CLMN: variants seen among roughly 807,000 people sequenced by gnomAD.
CLMN encodes calmin (calponin-like, transmembrane).
A neutral mutation model predicts 92.7 loss-of-function variants in CLMN; 57 were observed. The ratio of observed to expected loss-of-function variants is 0.61; its 90% confidence interval spans 0.50 to 0.77. CLMN has a LOEUF of 0.77. Ranked by LOEUF, CLMN falls within the 30% of genes least tolerant of loss-of-function variation. The probability of loss-of-function intolerance (pLI) is 0.00; values close to 1 mark genes in which losing one functional copy is unlikely to be tolerated. For synonymous variants in CLMN, 466 were observed against 470.6 expected, an observed-to-expected ratio of 0.99 and a Z score of 0.13; for missense variants, 1,158 against 1,237.5, an observed-to-expected ratio of 0.94 and a Z score of 0.96.
intron 12 of CLMN, chr14:95,193,166 T>C: frequency 1.8e-6 from 1 of 570,774 alleles, no homozygotes; most frequent in Non-Finnish European, 3.1e-6. Context: ...AAAAACATAA[T>C]AAAGCAACTC....
Position 95,202,885 on chromosome 14 carries a change from G to T in CLMN, c.2464C>A (p.His822Asn). ...TTCTCTTTGGTCTCCCTTTGCTGGT[G>T]GTCCTCATGGGGGGCCAGTGGAGCG... ...EPAPLAPHED[H>N]QQRETKENDP... The change falls in exon 9 of 13, where the codon CAC (histidine) becomes AAC (asparagine). Residue 822 changes from histidine to asparagine, a missense_variant. By Grantham distance (68) the His-to-Asn change is moderately conservative (BLOSUM62 1). Coordinates refer to ENST00000298912, the MANE Select transcript of CLMN (RefSeq NM_024734.4). The T allele has an allele frequency of 3.8e-6, 6 of 1,566,604 alleles. No homozygotes were observed. Among genetic ancestry groups the T allele is most frequent in the Non-Finnish European group, 5.2e-6 (6 of 1,161,342 alleles).
At chr14:95,237,448 T>C (rs534321213) in intron 1 of CLMN, among the ~76,000 whole-genome samples, 4 of 152,336 alleles carry the variant, frequency 2.6e-5, no homozygotes, top group Admixed American at 6.5e-5. Context: ...GACAGCATGG[T>C]CACGTGGCAG....
At chr14:95,262,184 C>A (rs778035786) in intron 1 of CLMN, among the ~76,000 whole-genome samples, 7 of 152,240 alleles carry the variant, frequency 4.6e-5, no homozygotes, top group Non-Finnish European at 1.0e-4. Flanking sequence ...TAAAGCTATT[C>A]TCAGAGCTGG....
At chr14:95,257,102 C>T (rs763580328) in intron 1 of CLMN, among the ~76,000 whole-genome samples, 15 of 152,138 alleles carry the variant, frequency 9.9e-5, no homozygotes, top group Non-Finnish European at 1.6e-4. Context: ...TTTAATACGA[C>T]GAGGCCCATT....
At chr14:95,242,250 C>CTTTTTTTTTTTTTTTTTTTT (rs371417505) in intron 1 of CLMN, among the ~76,000 whole-genome samples, 3 of 92,584 alleles carry the variant, frequency 3.2e-5, no homozygotes, top group African/African-American at 6.9e-5. Flanking sequence ...TTTTCTTTTT[C>CTTTTTTTTTTTTTTTTTTTT]TTTTTTTTTT....
At chr14:95,270,372 A>G (rs548955048) in intron 1 of CLMN, among the ~76,000 whole-genome samples, 124 of 152,354 alleles carry the variant, frequency 8.1e-4, no homozygotes, top group African/African-American at 2.9e-3. Flanking sequence ...TTGTATAACC[A>G]TACCACAATC....
intron 12 of CLMN, chr14:95,193,323 A>G (rs1896606597): frequency 1.3e-6 from 2 of 1,531,976 alleles, no homozygotes; most frequent in Non-Finnish European, 1.7e-6. Flanking sequence ...AAATACTTTC[A>G]TAGACATCCT....
chr14:95,237,560 G>A (rs1429712935), intron 1 of CLMN, among the ~76,000 whole-genome samples: 1 of 152,226 alleles, frequency 6.6e-6, no homozygotes, highest in East Asian at 1.9e-4. Context: ...AGGGAGGGTG[G>A]CAGGAGGCCT....
chr14:95,203,049 A>C lies in CLMN; in HGVS notation c.2300T>G (p.Leu767Arg). The change falls in exon 9 of 13, where the codon CTG (leucine) becomes CGG (arginine). Residue 767 changes from leucine to arginine, a missense_variant. Transcript: ENST00000298912. ...ATCGGCCTCCTCCTCCCTGGAGTCC[A>C]GGTCTGGCATATAGCCCTCTGGCTC... ...LEEPEGYMPD[L>R]DSREEEADGS... 1.2e-6 allele frequency: 2 copies of C among 1,614,138 alleles called. No individual in the cohort carries two copies. Among genetic ancestry groups the C allele is most frequent in the Admixed American group, 1.7e-5 (1 of 60,034 alleles).
intron 4 of CLMN, 80 bp from the exon 5 acceptor site, chr14:95,215,813 C>G (rs544370058): frequency 1.2e-6 from 1 of 850,944 alleles, no homozygotes; most frequent in South Asian, 1.5e-5. Flanking sequence ...CTCTCTCTCT[C>G]TCTGTGTGTG....
At chr14:95,271,296 G>T (rs59795526) in intron 1 of CLMN, among the ~76,000 whole-genome samples, 14,920 of 152,186 alleles carry the variant, frequency 0.098, 808 homozygotes, top group African/African-American at 0.14. Context: ...AAGCACAAGA[G>T]TTTTTAATTT....
At chr14:95,207,592 A>C (rs1187609) in intron 8 of CLMN, among the ~76,000 whole-genome samples, 40,747 of 152,102 alleles carry the variant, frequency 0.27, 6,790 homozygotes, top group African/African-American at 0.46. Context: ...ATAGCCCTGA[A>C]ATGTGGGTCA....
At chr14:95,232,419 A>C (rs1053976320) in intron 1 of CLMN, among the ~76,000 whole-genome samples, 1 of 152,212 alleles carries the variant, frequency 6.6e-6, no homozygotes, top group South Asian at 2.1e-4. Flanking sequence ...TTTCTGTAAC[A>C]ACGGGACTTT....
At chr14:95,220,522 C>A (rs909975134) in intron 4 of CLMN, among the ~76,000 whole-genome samples, 2 of 152,182 alleles carry the variant, frequency 1.3e-5, no homozygotes, top group East Asian at 3.8e-4. Flanking sequence ...GGTGGACAGG[C>A]GGGTTGTTCC....
intron 4 of CLMN, among the ~76,000 whole-genome samples, chr14:95,219,844 A>G (rs965539351): frequency 1.8e-4 from 27 of 152,186 alleles, no homozygotes; most frequent in Non-Finnish European, 1.2e-4. Context: ...CAAAGTATAA[A>G]ATTCGATGTT....
chr14:95,296,413 TG>T (rs1420457027), intron 1 of CLMN, among the ~76,000 whole-genome samples: 1 of 152,238 alleles, frequency 6.6e-6, no homozygotes, highest in Non-Finnish European at 1.5e-5. Flanking sequence ...TACAGACTGT[TG>T]GTTGCCTTCC....
chr14:95,220,561 C>T (rs934241373), intron 4 of CLMN, among the ~76,000 whole-genome samples: 4 of 152,208 alleles, frequency 2.6e-5, no homozygotes, highest in African/African-American at 4.8e-5. Context: ...AATTGTGCTG[C>T]CATGAACTGT....
At chr14:95,254,146 G>A (rs528757683) in intron 1 of CLMN, among the ~76,000 whole-genome samples, 1 of 152,274 alleles carries the variant, frequency 6.6e-6, no homozygotes, top group East Asian at 1.9e-4. Context: ...TGTAACGGGG[G>A]TGATGATCCC....
chr14:95,263,657 C>T (rs897397027), intron 1 of CLMN, among the ~76,000 whole-genome samples: 11 of 152,212 alleles, frequency 7.2e-5, no homozygotes, highest in African/African-American at 2.7e-4. Flanking sequence ...GATGTTCCAG[C>T]TGGAAGGGCA....
Sources: gnomAD v4.1 joint callset for allele counts (sites outside exome capture counted in the v4.1 genomes callset) on GRCh38, gnomAD v4.1.1 for gene constraint, MANE v1.5 for transcripts, NCBI Gene and HGNC (gene_info 2026-07-23, HGNC 2026-07-21) for gene names.